HDAC9: variants seen among roughly 807,000 people sequenced by gnomAD.
The protein encoded by HDAC9 is histone deacetylase 9.
In HDAC9, 41 loss-of-function variants were observed where a neutral mutation model predicts 139.4. That is an observed-to-expected ratio of 0.29 (90% CI 0.23 to 0.38). The LOEUF (loss-of-function observed/expected upper bound fraction) is 0.38, where lower values mean the gene tolerates loss of function less well. Among genes scored for constraint, HDAC9 ranks in the 10% least tolerant of loss-of-function variants. HDAC9 has a pLI of 1.00. For synonymous variants in HDAC9, 517 were observed against 476.2 expected (o/e 1.09, Z -1.12); for missense variants, 1,147 against 1,297.0 (o/e 0.88, Z 1.78).
At chr7:18,898,408 A>G (rs1801407718) in intron 22 of HDAC9, among the ~76,000 whole-genome samples, 1 of 151,960 alleles carries the variant, frequency 6.6e-6, no homozygotes, top group Non-Finnish European at 1.5e-5. Context: ...TATTTTAAAA[A>G]TTCTAAAAGC....
At chr7:18,797,404 A>G (rs868571122) in intron 17 of HDAC9, among the ~76,000 whole-genome samples, 1 of 152,226 alleles carries the variant, frequency 6.6e-6, no homozygotes, top group African/African-American at 2.4e-5. Flanking sequence ...ACAAAATATA[A>G]TAATAAAATA....
chr7:18,777,101 C>T (rs1033340698), intron 16 of HDAC9, among the ~76,000 whole-genome samples: 1 of 151,974 alleles, frequency 6.6e-6, no homozygotes, highest in African/African-American at 2.4e-5. Context: ...TGGGGGCACA[C>T]TTACTCAGGC....
At chr7:18,723,086 T>C (rs534540362) in intron 12 of HDAC9, among the ~76,000 whole-genome samples, 1 of 152,270 alleles carries the variant, frequency 6.6e-6, no homozygotes, top group African/African-American at 2.4e-5. Flanking sequence ...TTTCGTCCCT[T>C]GGTAATCATT....
At chr7:18,211,656 T>C (rs73319910) in intron 2 of HDAC9, among the ~76,000 whole-genome samples, 5,259 of 152,284 alleles carry the variant, frequency 0.035, 320 homozygotes, top group African/African-American at 0.12. Flanking sequence ...CATCTGTGCC[T>C]GGATAGAATG....
At chr7:18,416,431 G>A (rs893498781) in intron 1 of HDAC9, among the ~76,000 whole-genome samples, 6 of 152,036 alleles carry the variant, frequency 3.9e-5, no homozygotes, top group African/African-American at 1.4e-4. Flanking sequence ...TTGGGGTTAG[G>A]TAGTATTACC....
chr7:18,520,303 A>T (rs1804619759), intron 2 of HDAC9, among the ~76,000 whole-genome samples: 1 of 152,104 alleles, frequency 6.6e-6, no homozygotes, highest in South Asian at 2.1e-4. Flanking sequence ...CTATTTTATT[A>T]TACTGTCCTA....
chr7:18,773,554 C>T (rs1327963104), intron 16 of HDAC9, among the ~76,000 whole-genome samples: 2 of 151,994 alleles, frequency 1.3e-5, no homozygotes, highest in Non-Finnish European at 1.5e-5. Flanking sequence ...TTCTATCTAA[C>T]TTAGAAGATC....
chr7:18,757,588 A>C (rs1343438973), intron 14 of HDAC9, among the ~76,000 whole-genome samples: 1 of 152,158 alleles, frequency 6.6e-6, no homozygotes, highest in Admixed American at 6.6e-5. Flanking sequence ...TATATTTTAC[A>C]AAAGGTTCTG....
At chr7:18,402,085 C>T (rs1393460745) in intron 1 of HDAC9, among the ~76,000 whole-genome samples, 1 of 152,126 alleles carries the variant, frequency 6.6e-6, no homozygotes, top group Non-Finnish European at 1.5e-5. Flanking sequence ...AAGGAAACAA[C>T]TAATATTTGT....
chr7:18,473,338 A>AC (rs1338528320), intron 1 of HDAC9, among the ~76,000 whole-genome samples: 1 of 152,124 alleles, frequency 6.6e-6, no homozygotes, highest in East Asian at 1.9e-4. Flanking sequence ...TCTAACATTA[A>AC]CTCAGAGGAC....
At chr7:18,531,392 C>T (rs1808878349) in intron 2 of HDAC9, among the ~76,000 whole-genome samples, 1 of 152,024 alleles carries the variant, frequency 6.6e-6, no homozygotes, top group African/African-American at 2.4e-5. Flanking sequence ...AACCACTTGA[C>T]ATAAACTGCA....
intron 17 of HDAC9, among the ~76,000 whole-genome samples, chr7:18,794,897 G>A (rs776793429): frequency 3.5e-4 from 53 of 152,198 alleles, no homozygotes; most frequent in Non-Finnish European, 4.7e-4. Flanking sequence ...TATTATGTTA[G>A]CTTTCACAAT....
intron 1 of HDAC9, chr7:18,162,210 C>A (rs878918986): frequency 1.7e-5 from 15 of 867,618 alleles, no homozygotes; most frequent in Admixed American, 1.5e-4. Flanking sequence ...TTAAACACTG[C>A]ATTTTTCTTA....
chr7:18,613,812 A>T (rs1305187153), intron 6 of HDAC9, among the ~76,000 whole-genome samples: 1 of 151,570 alleles, frequency 6.6e-6, no homozygotes, highest in African/African-American at 2.4e-5. Context: ...AAATCTGTGC[A>T]TTTTTCTCAG....
chr7:18,571,631 T>A (rs772327338), intron 2 of HDAC9, among the ~76,000 whole-genome samples: 1 of 145,318 alleles, frequency 6.9e-6, no homozygotes, highest in African/African-American at 2.6e-5. Context: ...TTATTTTTTA[T>A]TTTTTTTTTT....
intron 1 of HDAC9, among the ~76,000 whole-genome samples, chr7:18,461,893 C>T (rs1793881700): frequency 6.6e-6 from 1 of 152,024 alleles, no homozygotes; most frequent in Non-Finnish European, 1.5e-5. Context: ...ATCTTATGTA[C>T]CAGACATTCA....
intron 1 of HDAC9, among the ~76,000 whole-genome samples, chr7:18,439,629 T>C (rs1360161152): frequency 2.6e-5 from 4 of 152,202 alleles, no homozygotes; most frequent in Non-Finnish European, 5.9e-5. Flanking sequence ...TGTCTTCTTA[T>C]TGACATGGAG....
At chr7:18,463,139 T>C (rs1166413940) in intron 1 of HDAC9, among the ~76,000 whole-genome samples, 1 of 152,038 alleles carries the variant, frequency 6.6e-6, no homozygotes, top group Non-Finnish European at 1.5e-5. Context: ...CCTTAACTTA[T>C]TTCTGGATTT....
intron 8 of HDAC9, among the ~76,000 whole-genome samples, chr7:18,640,360 A>T (rs1264179755): frequency 5.5e-4 from 13 of 23,552 alleles, no homozygotes; most frequent in African/African-American, 4.0e-4. Flanking sequence ...CCTGTCTTAA[A>T]AAAAAAAAAA....
Sources: gnomAD v4.1 joint callset for allele counts (sites outside exome capture counted in the v4.1 genomes callset) on GRCh38, gnomAD v4.1.1 for gene constraint, MANE v1.5 for transcripts, NCBI Gene and HGNC (gene_info 2026-07-23, HGNC 2026-07-21) for gene names.